The following GRM5 variants were observed in gnomAD, a reference collection of about 807,000 sequenced individuals.
GRM5 encodes the protein metabotropic glutamate receptor 5.
In GRM5, 19 loss-of-function variants were observed where a neutral mutation model predicts 83.1. The ratio of observed to expected loss-of-function variants is 0.23; its 90% CI spans 0.16 to 0.34. The LOEUF (loss-of-function observed/expected upper bound fraction) is 0.34, where lower values mean the gene tolerates loss of function less well. GRM5 is among the 10% of genes least tolerant of loss of function. GRM5 has a pLI of 1.00. For missense variants in GRM5, 1,160 were observed against 1,588.3 expected, an observed-to-expected ratio of 0.73 and a Z score of 4.58; for synonymous variants, 675 against 633.6, an observed-to-expected ratio of 1.07 and a Z score of -0.98.
intron 7 of GRM5, among the ~76,000 whole-genome samples, chr11:88,582,114 A>G (rs1344151009): frequency 1.3e-5 from 2 of 152,048 alleles, no homozygotes; most frequent in Non-Finnish European, 2.9e-5. Flanking sequence ...TTCCTACACT[A>G]TGGCAGGGAT....
chr11:88,520,211 A>G (rs944685598), intron 9 of GRM5, among the ~76,000 whole-genome samples: 2 of 152,168 alleles, frequency 1.3e-5, no homozygotes, highest in Admixed American at 1.3e-4. Context: ...AATCATAGCA[A>G]TGTTACTAAT....
intron 3 of GRM5, among the ~76,000 whole-genome samples, chr11:88,838,906 TACAC>T (rs911733190): frequency 1.0e-5 from 1 of 99,176 alleles, no homozygotes; most frequent in Non-Finnish European, 2.3e-5. Context: ...CACACACACA[TACAC>T]ACACAAACTT....
intron 3 of GRM5, among the ~76,000 whole-genome samples, chr11:88,792,909 G>A (rs1943202895): frequency 6.6e-6 from 1 of 151,986 alleles, no homozygotes; most frequent in South Asian, 2.1e-4. Flanking sequence ...TGGGCCTTGT[G>A]GCCCATGTAA....
At chr11:88,856,758 T>A (rs955729595) in intron 2 of GRM5, among the ~76,000 whole-genome samples, 1 of 152,024 alleles carries the variant, frequency 6.6e-6, no homozygotes, top group African/African-American at 2.4e-5. Flanking sequence ...TGCTATGACA[T>A]GATGATAGCT....
At chr11:89,017,126 T>C (rs1940878522) in intron 2 of GRM5, among the ~76,000 whole-genome samples, 1 of 152,070 alleles carries the variant, frequency 6.6e-6, no homozygotes, top group South Asian at 2.1e-4. Flanking sequence ...GAATAAACTA[T>C]ATATAAACTA....
intron 2 of GRM5, among the ~76,000 whole-genome samples, chr11:88,864,030 T>C (rs1053112191): frequency 6.6e-6 from 1 of 150,436 alleles, no homozygotes; most frequent in Admixed American, 6.7e-5. Context: ...CTGTCATTTC[T>C]GTTTTGCTGT....
intron 3 of GRM5, among the ~76,000 whole-genome samples, chr11:88,716,838 A>G (rs1941410656): frequency 6.6e-6 from 1 of 151,944 alleles, no homozygotes; most frequent in African/African-American, 2.4e-5. Context: ...GTCACTTAGA[A>G]AAATCACCAT....
intron 9 of GRM5, among the ~76,000 whole-genome samples, chr11:88,521,295 T>C (rs947923973): frequency 6.6e-6 from 1 of 152,126 alleles, no homozygotes; most frequent in Non-Finnish European, 1.5e-5. Context: ...CGGGCATCTG[T>C]AATCCCAGCT....
At chr11:88,762,544 G>T (rs993804036) in intron 3 of GRM5, among the ~76,000 whole-genome samples, 2 of 151,888 alleles carry the variant, frequency 1.3e-5, no homozygotes, top group Non-Finnish European at 1.5e-5. Context: ...TGCTGGCAAG[G>T]TTCCTTAGAA....
intron 1 of GRM5, among the ~76,000 whole-genome samples, chr11:89,053,439 A>G (rs1012151747): frequency 6.6e-6 from 1 of 152,222 alleles, no homozygotes; most frequent in Non-Finnish European, 1.5e-5. Flanking sequence ...TACAAGAAAT[A>G]CATAGAGTAT....
At chr11:88,588,385 G>A (rs1010127966) in intron 7 of GRM5, among the ~76,000 whole-genome samples, 1 of 151,938 alleles carries the variant, frequency 6.6e-6, no homozygotes, top group African/African-American at 2.4e-5. Context: ...TGCCATTCCT[G>A]TCATTAAAAA....
At chr11:88,586,481 G>A (rs1030212243) in intron 7 of GRM5, among the ~76,000 whole-genome samples, 1 of 152,188 alleles carries the variant, frequency 6.6e-6, no homozygotes, top group Admixed American at 6.5e-5. Flanking sequence ...TGAAGGCACT[G>A]ACCCAAAGGT....
At chr11:88,590,799 G>T in intron 6 of GRM5, 72 bp from the exon 7 acceptor site, 1 of 1,228,720 alleles carries the variant, frequency 8.1e-7, no homozygotes, top group South Asian at 1.3e-5. Flanking sequence ...ATTCCAATGT[G>T]CTGTTTTGCA....
At chr11:88,637,822 T>G (rs1469978133) in intron 4 of GRM5, among the ~76,000 whole-genome samples, 1 of 148,798 alleles carries the variant, frequency 6.7e-6, no homozygotes, top group African/African-American at 2.4e-5. Context: ...CCCAAAGGAC[T>G]ATAAATCATG....
chr11:88,742,489 C>T (rs1245510750), intron 3 of GRM5, among the ~76,000 whole-genome samples: 1 of 151,930 alleles, frequency 6.6e-6, no homozygotes, highest in African/African-American at 2.4e-5. Flanking sequence ...ACCTCTTATC[C>T]AATGTTCTTT....
intron 2 of GRM5, among the ~76,000 whole-genome samples, chr11:89,035,252 T>C (rs1208811896): frequency 2.0e-5 from 3 of 151,784 alleles, no homozygotes; most frequent in Non-Finnish European, 4.4e-5. Context: ...CTAGAGTACA[T>C]GTGCACTAAT....
rs1347321815 is a variant in GRM5 at position 88,508,715 on chromosome 11, C to T, written c.3516G>A (p.Ser1172=). The stretch of plus-strand genomic sequence containing the variant: ...TGGGGGTTGTGCTCCCCGAGTCCAC[C>T]GAGTCTCTGAAGGGGGACGGCGGGG... ...ALTPPSPFRD[S]VDSGSTTPNS... is the part of the protein sequence containing the mutation. The change falls in exon 10 of 10, where the codon TCG becomes TCA. Residue 1172 remains serine, a synonymous_variant. Coordinates refer to ENST00000305447, the MANE Select transcript of GRM5 (RefSeq NM_001143831.3). This position sits in a 1 kb window ranked among gnomAD's most constrained non-coding sequence, Gnocchi z 4.2. The T allele has an allele frequency of 1.9e-6, 3 of 1,598,324 alleles. No homozygotes were observed. The highest frequency in any genetic ancestry group is 1.7e-5 in the Admixed American group (1 of 58,786).
intron 3 of GRM5, among the ~76,000 whole-genome samples, chr11:88,667,897 GA>G (rs1216683182): frequency 4.6e-5 from 6 of 130,854 alleles, no homozygotes; most frequent in South Asian, 2.4e-4. Context: ...TATCAAAAAA[GA>G]AAAAAAAAAG....
At chr11:88,546,749 T>C (rs1233493746) in intron 8 of GRM5, among the ~76,000 whole-genome samples, 1 of 152,122 alleles carries the variant, frequency 6.6e-6, no homozygotes, top group African/African-American at 2.4e-5. Flanking sequence ...AATGAATTTC[T>C]GTAAATTCAA....
Sources: allele counts gnomAD v4.1 joint callset (sites outside exome capture counted in the v4.1 genomes callset), GRCh38; gene constraint gnomAD v4.1.1; non-coding constraint Gnocchi (gnomAD v3.1); transcripts MANE v1.5; gene names NCBI Gene and HGNC (gene_info 2026-07-23, HGNC 2026-07-21).